Variants in PPFIBP1 observed in about 807,000 individuals in gnomAD.
The protein encoded by PPFIBP1 is liprin-beta-1.
A neutral mutation model predicts 137.8 loss-of-function variants in PPFIBP1; 112 were observed. The ratio of observed to expected loss-of-function variants is 0.81; its 90% CI spans 0.70 to 0.95. The LOEUF (loss-of-function observed/expected upper bound fraction) is 0.95, where lower values mean the gene tolerates loss of function less well. Among genes scored for constraint, PPFIBP1 ranks in the 40% least tolerant of loss-of-function variants. The pLI is 0.00. For synonymous variants in PPFIBP1, 378 were observed against 417.3 expected (o/e 0.91, Z 1.15); for missense variants, 1,083 against 1,196.6 (o/e 0.91, Z 1.40).
chr12:27,555,674 C>T (rs1308980901), intron 1 of PPFIBP1, among the ~76,000 whole-genome samples: 5 of 152,146 alleles, frequency 3.3e-5, no homozygotes, highest in South Asian at 4.1e-4. Flanking sequence ...ATAGCACGTA[C>T]GAGACAGATG....
intron 1 of PPFIBP1, among the ~76,000 whole-genome samples, chr12:27,571,816 T>A (rs2050174634): frequency 3.3e-5 from 5 of 152,192 alleles, no homozygotes; most frequent in Admixed American, 3.3e-4. Flanking sequence ...ATTTTTTGAG[T>A]GATATTTGCA....
chr12:27,553,398 T>A (rs1946975478), intron 1 of PPFIBP1, among the ~76,000 whole-genome samples: 1 of 152,128 alleles, frequency 6.6e-6, no homozygotes, highest in African/African-American at 2.4e-5. Context: ...TACCGATAGG[T>A]TGCCCCTGCC....
At chr12:27,663,694 G>T (rs1043372749) in intron 11 of PPFIBP1, among the ~76,000 whole-genome samples, 1 of 152,042 alleles carries the variant, frequency 6.6e-6, no homozygotes, top group African/African-American at 2.4e-5. Context: ...ACAAAAATGA[G>T]CTGGGCATAG....
chr12:27,542,857 A>G (rs572188194), intron 1 of PPFIBP1, among the ~76,000 whole-genome samples: 6 of 152,312 alleles, frequency 3.9e-5, no homozygotes, highest in African/African-American at 1.4e-4. Context: ...TAAAAAGCAC[A>G]GACGGCTCTC....
chr12:27,668,048 G>C (rs552006649), intron 13 of PPFIBP1, among the ~76,000 whole-genome samples: 2 of 152,226 alleles, frequency 1.3e-5, no homozygotes, highest in South Asian at 4.2e-4. Flanking sequence ...ACATTGTTAG[G>C]ACACGTGGGA....
At position 27,693,196 on chromosome 12, in the gene PPFIBP1, G is replaced by T; in HGVS notation, c.*314G>T. 1 of 217,158 alleles carries T rather than the reference G, an allele frequency of 4.6e-6. No individual in the cohort carries two copies. Among genetic ancestry groups the T allele is most frequent in the South Asian group, 8.9e-5 (1 of 11,220 alleles). 13.5% of individuals were successfully genotyped at this position (217,158 alleles called of 1,614,324 possible). ...TTTCCATTCATATCCGCGGTATGGAGGATTTGAGGAACAGTAACCAGGATG... is the reference window on the plus strand; with the variant it reads ...TTTCCATTCATATCCGCGGTATGGATGATTTGAGGAACAGTAACCAGGATG... On this transcript the variant is annotated 3_prime_UTR_variant, in exon 30 of 30. Transcript: ENST00000228425.
chr12:27,559,133 GC>G (rs1171810266), intron 1 of PPFIBP1, among the ~76,000 whole-genome samples: 1 of 150,838 alleles, frequency 6.6e-6, no homozygotes, highest in East Asian at 2.0e-4. Context: ...CTTCCAAAGT[GC>G]TGGGTTTATA....
chr12:27,558,256 G>GTTTTTTTTTTTTTTTT (rs11434356), intron 1 of PPFIBP1, among the ~76,000 whole-genome samples: 1 of 139,326 alleles, frequency 7.2e-6, no homozygotes. Context: ...GACCTTCTGG[G>GTTTTTTTTTTTTTTTT]TTTTTTTTTT....
At chr12:27,659,280 C>T (rs189333641) in intron 10 of PPFIBP1, among the ~76,000 whole-genome samples, 27 of 152,230 alleles carry the variant, frequency 1.8e-4, no homozygotes, top group African/African-American at 5.3e-4. Flanking sequence ...TTAGAAGCTC[C>T]TTTGAACATA....
At chr12:27,636,582 CAT>C (rs2057694547) in intron 4 of PPFIBP1, 1 of 151,994 alleles carries the variant, frequency 6.6e-6, no homozygotes, top group Non-Finnish European at 1.5e-5. Context: ...CAGCTTTTGA[CAT>C]GTGTCTAAAA....
intron 9 of PPFIBP1, among the ~76,000 whole-genome samples, 156 bp from the exon 10 acceptor site, chr12:27,658,660 A>G (rs552143269): frequency 1.8e-4 from 28 of 152,332 alleles, no homozygotes; most frequent in African/African-American, 5.5e-4. Context: ...TTATTGTACT[A>G]CCAATCCTGC....
intron 1 of PPFIBP1, among the ~76,000 whole-genome samples, chr12:27,559,393 TC>T: frequency 6.6e-6 from 1 of 152,208 alleles, no homozygotes; most frequent in Non-Finnish European, 1.5e-5. Flanking sequence ...GGTCTCGAAC[TC>T]CTGACCTCGT....
chr12:27,527,294 G>T lies in PPFIBP1; in HGVS notation c.-124+2929G>T, dbSNP rs563092860. Among the ~76,000 whole-genome samples, 11 of 151,890 alleles carry T rather than the reference G, an allele frequency of 7.2e-5. No homozygotes were observed. In the South Asian group the frequency reaches 8.3e-4, roughly 12 times the overall value. ...GACAGGGTCTCGCTCTGCCGCCCTG[G>T]ATGGAGTGCAGTGGTGCAGTCTCGG... On this transcript the variant is annotated intron_variant, in intron 1 of 29. Coordinates refer to ENST00000228425, the MANE Select transcript of PPFIBP1 (RefSeq NM_003622.4).
In PPFIBP1 at chr12:27,638,480, T is replaced by G. The variant is rs182037345; in HGVS notation, c.270+3365T>G. On this transcript the variant is annotated intron_variant, in intron 4 of 29. Coordinates refer to ENST00000228425, the MANE Select transcript of PPFIBP1 (RefSeq NM_003622.4). ...AAGCTTATATGACCTTGTGAAAATG[T>G]CTGAAGCTCTGTGTCTTGGTTTTCT... is the stretch of plus-strand genomic sequence containing the variant. 3.6e-5 allele frequency among the ~76,000 whole-genome samples: 5 copies of G among 139,084 alleles called. No homozygotes were observed. In the East Asian group the frequency reaches 1.1e-3, roughly 29 times the overall value. 91.2% of individuals were successfully genotyped at this position (139,084 alleles called of 152,430 possible). A position where few individuals can be genotyped will look rare whatever the true frequency, so the allele number is the denominator to read the frequency against.
intron 1 of PPFIBP1, among the ~76,000 whole-genome samples, chr12:27,525,491 G>A (rs965805092): frequency 1.5e-5 from 2 of 137,512 alleles, no homozygotes; most frequent in Non-Finnish European, 3.0e-5. Context: ...AGTGCTTTAA[G>A]GCTCTCTTTT....
chr12:27,611,464 TC>T (rs2138152382), intron 2 of PPFIBP1, among the ~76,000 whole-genome samples: 1 of 152,320 alleles, frequency 6.6e-6, no homozygotes. Flanking sequence ...ATCCGAATAA[TC>T]TTGTTTAAAT....
At chr12:27,666,363 TAAA>T (rs1319427579) in intron 12 of PPFIBP1, among the ~76,000 whole-genome samples, 1 of 152,196 alleles carries the variant, frequency 6.6e-6, no homozygotes, top group Non-Finnish European at 1.5e-5. Flanking sequence ...CTAATAACAC[TAAA>T]TTCTAATAGA....
chr12:27,597,526 T>G (rs995569601), intron 2 of PPFIBP1, among the ~76,000 whole-genome samples: 8 of 152,182 alleles, frequency 5.3e-5, no homozygotes, highest in Admixed American at 1.3e-4. Flanking sequence ...TCTCTCTAGC[T>G]GTTCATAAAA....
intron 2 of PPFIBP1, among the ~76,000 whole-genome samples, chr12:27,630,529 A>C (rs1235978094): frequency 2.0e-5 from 3 of 152,156 alleles, no homozygotes; most frequent in African/African-American, 7.2e-5. Context: ...TATTAACAGC[A>C]CATAATTAGG....
Sources: allele counts gnomAD v4.1 joint callset (sites outside exome capture counted in the v4.1 genomes callset), GRCh38; gene constraint gnomAD v4.1.1; transcripts MANE v1.5; gene names NCBI Gene and HGNC (gene_info 2026-07-23, HGNC 2026-07-21).